Variants in PRR16 observed in about 807,000 individuals in gnomAD.
PRR16 encodes proline rich 16.
Under a neutral mutation model 18.2 loss-of-function variants are expected in PRR16, and 6 were observed. The ratio of observed to expected loss-of-function variants is 0.33; its 90% confidence interval spans 0.18 to 0.65. PRR16 has a LOEUF of 0.65. PRR16 is among the 30% of genes least tolerant of loss of function. PRR16 has a pLI of 0.74. For missense variants in PRR16, 412 were observed against 376.6 expected (o/e 1.09, Z -0.78); for synonymous variants, 151 against 147.8 (o/e 1.02, Z -0.16).
intron 1 of PRR16, among the ~76,000 whole-genome samples, chr5:120,658,588 A>G (rs1756065737): frequency 6.6e-6 from 1 of 152,042 alleles, no homozygotes; most frequent in Admixed American, 6.6e-5. Context: ...ATTATTTCCA[A>G]TCTCACTGTC....
chr5:120,498,721 T>G (rs1750343784), intron 1 of PRR16, among the ~76,000 whole-genome samples: 1 of 151,940 alleles, frequency 6.6e-6, no homozygotes, highest in African/African-American at 2.4e-5. Context: ...GTTCTCTTAT[T>G]TTTTATTTGT....
At chr5:120,744,834 G>A in the PRR16 span, among the ~76,000 whole-genome samples, 3 of 151,778 alleles carry the variant, frequency 2.0e-5, no homozygotes, top group African/African-American at 7.2e-5. Flanking sequence ...TTGAGGAAAA[G>A]GGATTGTCAA....
At chr5:120,479,710 A>G (rs978552871) in intron 1 of PRR16, among the ~76,000 whole-genome samples, 1 of 139,294 alleles carries the variant, frequency 7.2e-6, no homozygotes, top group African/African-American at 3.0e-5. Context: ...AAAGTAACTT[A>G]TTGCCGTTTA....
At chr5:120,581,571 A>G (rs1478261752) in intron 1 of PRR16, among the ~76,000 whole-genome samples, 1 of 151,696 alleles carries the variant, frequency 6.6e-6, no homozygotes, top group Non-Finnish European at 1.5e-5. Context: ...CTTTTGGATT[A>G]GTTTGCTCTT....
intron 1 of PRR16, among the ~76,000 whole-genome samples, chr5:120,477,680 C>G (rs1296020193): frequency 6.6e-6 from 1 of 152,146 alleles, no homozygotes; most frequent in African/African-American, 2.4e-5. Flanking sequence ...TCATTTTACT[C>G]AAAGTCAGAG....
the PRR16 span, among the ~76,000 whole-genome samples, chr5:120,704,358 C>G: frequency 6.6e-6 from 1 of 151,914 alleles, no homozygotes; most frequent in Non-Finnish European, 1.5e-5. Flanking sequence ...TCTTTTTTTC[C>G]CTCCTTTCCT....
chr5:120,760,342 A>G, the PRR16 span, among the ~76,000 whole-genome samples: 875 of 152,202 alleles, frequency 5.7e-3, 3 homozygotes, highest in Non-Finnish European at 8.3e-3. Context: ...TGAAAATAGA[A>G]TTATACAATA....
chr5:120,605,961 G>T (rs1463269872), intron 1 of PRR16, among the ~76,000 whole-genome samples: 1 of 152,136 alleles, frequency 6.6e-6, no homozygotes, highest in African/African-American at 2.4e-5. Flanking sequence ...CTCCAGCCAG[G>T]CAGTATGTTG....
At chr5:120,789,601 C>G in the PRR16 span, among the ~76,000 whole-genome samples, 1 of 151,992 alleles carries the variant, frequency 6.6e-6, no homozygotes, top group African/African-American at 2.4e-5. Context: ...AAAGATCTAC[C>G]TCAATGGAAA....
Position 120,649,821 on chromosome 5 carries a change from A to AT in PRR16, c.160-36128dup, listed in dbSNP as rs1755714044. Among the ~76,000 whole-genome samples the AT allele has an allele frequency of 2.6e-5, 4 of 152,180 alleles. No homozygotes were observed. The South Asian group carries it at 8.3e-4, about 32-fold the overall frequency. Reference sequence around the variant, plus strand: ...ATGATGGTAGTATCTTGCTTATTATATTTTTATAAGGCACCCCGTAATAAA... The same window carrying AT: ...ATGATGGTAGTATCTTGCTTATTATATTTTTTATAAGGCACCCCGTAATAAA... On this transcript the variant is annotated intron_variant, in intron 1 of 1. Transcript: ENST00000407149.
chr5:120,591,012 T>C (rs111288012), intron 1 of PRR16, among the ~76,000 whole-genome samples: 8,931 of 152,012 alleles, frequency 0.059, 364 homozygotes, highest in South Asian at 0.084. Context: ...GGGTGTGGTG[T>C]CTCACGCCTG....
At chr5:120,636,348 GA>G (rs1755226874) in intron 1 of PRR16, among the ~76,000 whole-genome samples, 1 of 152,070 alleles carries the variant, frequency 6.6e-6, no homozygotes, top group African/African-American at 2.4e-5. Flanking sequence ...AAAACATCTG[GA>G]GGCATCACAT....
At position 120,621,676 on chromosome 5, in the gene PRR16, G is replaced by T. The variant is rs147972550; in HGVS notation, c.160-64278G>T. ...CATGATAGTGAGTGAGTTCTCATGA[G>T]ATCTGATGGTGTTGTAAGGGGCTCT... On this transcript the variant is annotated intron_variant, in intron 1 of 1. Coordinates refer to ENST00000407149, the MANE Select transcript of PRR16 (RefSeq NM_001300783.2). 9.7e-4 allele frequency among the ~76,000 whole-genome samples: 147 copies of T among 152,184 alleles called. 3 individuals are homozygous for T. In the East Asian group the frequency reaches 0.028, roughly 28 times the overall value.
intron 1 of PRR16, among the ~76,000 whole-genome samples, chr5:120,669,469 G>A (rs925662768): frequency 4.6e-5 from 7 of 151,774 alleles, no homozygotes; most frequent in Admixed American, 3.3e-4. Flanking sequence ...TAGCCTTCTG[G>A]AAAAATGTGT....
intron 1 of PRR16, among the ~76,000 whole-genome samples, chr5:120,580,615 C>T (rs904204866): frequency 1.3e-4 from 20 of 151,758 alleles, no homozygotes; most frequent in Non-Finnish European, 1.3e-4. Flanking sequence ...CCACCACACC[C>T]GGCTAATTTT....
At chr5:120,788,396 TG>T in the PRR16 span, among the ~76,000 whole-genome samples, 1 of 152,134 alleles carries the variant, frequency 6.6e-6, no homozygotes, top group African/African-American at 2.4e-5. Context: ...TAATTATCTT[TG>T]TTTCAAATCC....
At position 120,464,341 on chromosome 5, in the gene PRR16, G is replaced by GT. The variant is rs1749005352; in HGVS notation, c.-146_-145insT. The stretch of plus-strand genomic sequence containing the variant: ...ACTGTGCGGCCGCCCGGCCGAGCGC[G>GT]GAGCGCAGCCACTCGCCGCTGCCCA... On this transcript the variant is annotated 5_prime_UTR_variant, in exon 1 of 2. It introduces an in-frame stop codon into an upstream open reading frame of the 5' UTR. Coordinates refer to ENST00000407149, the MANE Select transcript of PRR16 (RefSeq NM_001300783.2). 5.9e-6 allele frequency: 5 copies of GT among 847,670 alleles called. No individual in the cohort carries two copies. The highest frequency in any genetic ancestry group is 1.8e-5 in the African/African-American group (1 of 55,128). 52.5% of individuals were successfully genotyped at this position (847,670 alleles called of 1,614,324 possible). A position where few individuals can be genotyped will look rare whatever the true frequency, so the allele number is the denominator to read the frequency against.
At chr5:120,785,475 G>C in the PRR16 span, among the ~76,000 whole-genome samples, 1 of 151,666 alleles carries the variant, frequency 6.6e-6, no homozygotes, top group Non-Finnish European at 1.5e-5. Context: ...TGTTTCCTAA[G>C]GCAAAGTTAG....
At chr5:120,783,249 T>G in the PRR16 span, among the ~76,000 whole-genome samples, 1 of 152,242 alleles carries the variant, frequency 6.6e-6, no homozygotes. Flanking sequence ...ATTCATAGTT[T>G]GCGAAGCATG....
Sources: allele counts gnomAD v4.1 joint callset (sites outside exome capture counted in the v4.1 genomes callset), GRCh38; gene constraint gnomAD v4.1.1; transcripts MANE v1.5; gene names NCBI Gene and HGNC (gene_info 2026-07-23, HGNC 2026-07-21).